The following KDM4C variants were observed in gnomAD, a reference collection of about 807,000 sequenced individuals.
KDM4C encodes lysine demethylase 4C, also known as lysine-specific demethylase 4C.
In KDM4C, 81 loss-of-function variants were observed where a neutral mutation model predicts 129.3. That is an observed-to-expected ratio of 0.63 (90% CI 0.52 to 0.75). KDM4C has a LOEUF of 0.75. Ranked by LOEUF, KDM4C falls within the 30% of genes least tolerant of loss-of-function variation. The pLI is 0.00. For synonymous variants in KDM4C, 573 were observed against 456.1 expected (o/e 1.26, Z -3.26); for missense variants, 1,457 against 1,304.0 (o/e 1.12, Z -1.81).
intron 1 of KDM4C, among the ~76,000 whole-genome samples, chr9:6,741,756 C>T (rs1302859053): frequency 7.5e-6 from 1 of 134,216 alleles, no homozygotes. Flanking sequence ...ATAATAGAGA[C>T]AGGGTCTAAC....
At chr9:7,078,715 C>A (rs1429118610) in intron 17 of KDM4C, among the ~76,000 whole-genome samples, 1 of 152,192 alleles carries the variant, frequency 6.6e-6, no homozygotes, top group African/African-American at 2.4e-5. Flanking sequence ...AAAACAATAA[C>A]TTAAATACAA....
chr9:6,963,845 C>A (rs982291608), intron 8 of KDM4C, among the ~76,000 whole-genome samples: 10 of 152,180 alleles, frequency 6.6e-5, no homozygotes, highest in Admixed American at 3.9e-4. Flanking sequence ...CCTGACAGTT[C>A]CCTCTCACAT....
At chr9:6,918,891 G>A (rs1589102413) in intron 8 of KDM4C, among the ~76,000 whole-genome samples, 1 of 151,596 alleles carries the variant, frequency 6.6e-6, no homozygotes, top group East Asian at 1.9e-4. Flanking sequence ...TCACTCTGTT[G>A]CCCAGACTGG....
At chr9:7,022,412 C>G (rs1477200292) in intron 15 of KDM4C, among the ~76,000 whole-genome samples, 2 of 151,940 alleles carry the variant, frequency 1.3e-5, no homozygotes, top group Non-Finnish European at 2.9e-5. Flanking sequence ...TTCTTTGTAG[C>G]TACTGTAAAT....
At chr9:6,922,623 T>G (rs1335464261) in intron 8 of KDM4C, among the ~76,000 whole-genome samples, 2 of 152,238 alleles carry the variant, frequency 1.3e-5, no homozygotes, top group African/African-American at 4.8e-5. Flanking sequence ...GGCCCGTGCC[T>G]GTAGTCTCAT....
At chr9:7,015,981 G>A (rs748092598) in intron 15 of KDM4C, 52 bp downstream of exon 15, 3 of 1,288,648 alleles carry the variant, frequency 2.3e-6, no homozygotes, top group Non-Finnish European at 3.4e-6. Context: ...CCTACCCACT[G>A]TGGACACATT....
chr9:6,862,768 C>G (rs1841173413), intron 5 of KDM4C, among the ~76,000 whole-genome samples: 1 of 152,132 alleles, frequency 6.6e-6, no homozygotes, highest in Non-Finnish European at 1.5e-5. Context: ...GATCACGCCA[C>G]TGTACTCCAG....
rs945364964 is a variant in KDM4C at position 7,030,413 on chromosome 9, A to G, written c.2259+14484A>G. Among the ~76,000 whole-genome samples the G allele has an allele frequency of 2.6e-5, 4 of 152,300 alleles. No homozygotes were observed. The East Asian group carries it at 7.7e-4, about 29-fold the overall frequency. ...ATATATGTCATTATACTTTTGTCCA[A>G]CCCATAGAATGTACAACACCAAGAG... On this transcript the variant is annotated intron_variant, in intron 15 of 21. Coordinates refer to ENST00000381309, the MANE Select transcript of KDM4C (RefSeq NM_015061.6).
intron 1 of KDM4C, among the ~76,000 whole-genome samples, chr9:6,752,413 AT>A (rs76236616): frequency 0.57 from 73,439 of 128,124 alleles, 20,973 homozygotes; most frequent in African/African-American, 0.65. Context: ...AAAACCAGGG[AT>A]TTTTTTTTTT....
intron 19 of KDM4C, among the ~76,000 whole-genome samples, chr9:7,148,013 G>A (rs555898779): frequency 3.3e-4 from 50 of 152,366 alleles, no homozygotes; most frequent in African/African-American, 1.2e-3. Flanking sequence ...GAGCGGCGAG[G>A]TTGTGTGTGA....
rs1474327050 is a variant in KDM4C at position 6,922,439 on chromosome 9, TG to T, written c.921+29210del. On this transcript the variant is annotated intron_variant, in intron 8 of 21. Coordinates refer to ENST00000381309, the MANE Select transcript of KDM4C (RefSeq NM_015061.6). Reference sequence around the variant, plus strand: ...AAGAAGTAGAATTCCTGGAAATAGTTGGGTAACATCTTCAGCAATCTTCCAG... The same window carrying T: ...AAGAAGTAGAATTCCTGGAAATAGTTGGTAACATCTTCAGCAATCTTCCAG... 4.6e-5 allele frequency among the ~76,000 whole-genome samples: 7 copies of T among 152,308 alleles called. No homozygotes were observed. In the East Asian group the frequency reaches 1.4e-3, roughly 29 times the overall value.
intron 8 of KDM4C, among the ~76,000 whole-genome samples, chr9:6,956,716 T>C (rs1034681479): frequency 3.3e-5 from 5 of 152,212 alleles, no homozygotes; most frequent in Non-Finnish European, 2.9e-5. Context: ...ATCCCTTCTT[T>C]ATGAGGTCTG....
intron 10 of KDM4C, among the ~76,000 whole-genome samples, chr9:6,985,584 G>C (rs2131854847): frequency 6.6e-6 from 1 of 152,304 alleles, no homozygotes; most frequent in East Asian, 1.9e-4. Context: ...TTTGATGAAT[G>C]GATATAAGAT....
chr9:6,875,039 C>T (rs1406308341), intron 5 of KDM4C, among the ~76,000 whole-genome samples: 3 of 152,046 alleles, frequency 2.0e-5, no homozygotes, highest in African/African-American at 7.2e-5. Flanking sequence ...GTCCTGAGCA[C>T]ACCAGACTGA....
intron 5 of KDM4C, among the ~76,000 whole-genome samples, chr9:6,860,235 G>C (rs1840676691): frequency 6.6e-6 from 1 of 152,168 alleles, no homozygotes; most frequent in Non-Finnish European, 1.5e-5. Flanking sequence ...AGAAATGTCT[G>C]AACCAACACC....
chr9:6,834,375 G>A (rs1835468083), intron 4 of KDM4C: 1 of 325,844 alleles, frequency 3.1e-6, no homozygotes, highest in Non-Finnish European at 6.0e-6. Flanking sequence ...CATCTTGTTG[G>A]CCAAGACCAC....
At chr9:6,992,693 G>GT (rs1453747549) in intron 12 of KDM4C, among the ~76,000 whole-genome samples, 1 of 152,208 alleles carries the variant, frequency 6.6e-6, no homozygotes, top group Non-Finnish European at 1.5e-5. Context: ...GTGATGTGCA[G>GT]TGAGTGTTTT....
intron 1 of KDM4C, among the ~76,000 whole-genome samples, chr9:6,725,708 TTTC>T (rs776972380): frequency 0.062 from 8,092 of 131,224 alleles, 360 homozygotes; most frequent in Non-Finnish European, 0.095. Flanking sequence ...TTTCTTTTCT[TTTC>T]TTTTTTTTTT....
At chr9:6,886,573 C>T (rs899475534) in intron 6 of KDM4C, among the ~76,000 whole-genome samples, 1 of 149,460 alleles carries the variant, frequency 6.7e-6, no homozygotes, top group South Asian at 2.1e-4. Context: ...CTCACTGCAA[C>T]CTCTACCTCC....
Sources: allele counts gnomAD v4.1 joint callset (sites outside exome capture counted in the v4.1 genomes callset), GRCh38; gene constraint gnomAD v4.1.1; transcripts MANE v1.5; gene names NCBI Gene and HGNC (gene_info 2026-07-23, HGNC 2026-07-21).